Variants in LCMT1 observed in about 807,000 individuals in gnomAD.
LCMT1 encodes leucine carboxyl methyltransferase 1.
LCMT1 carries 32 observed loss-of-function variants against 47.7 expected under a neutral mutation model. That is an observed-to-expected ratio of 0.67 (90% CI 0.51 to 0.90). LCMT1 has a LOEUF of 0.90. Among genes scored for constraint, LCMT1 ranks in the 40% least tolerant of loss-of-function variants. LCMT1 has a pLI of 0.00. For missense variants in LCMT1, 375 were observed against 415.2 expected (o/e 0.90, Z 0.84); for synonymous variants, 152 against 149.7 (o/e 1.02, Z -0.11).
Position 25,111,968 on chromosome 16 carries a change from A to T in LCMT1, c.85A>T (p.Thr29Ser). ...CGCAGACGACGAGGGCGTGCGCGGCACCTGCGAAGATGCTTCCCTGTGCAA... is the reference window on the plus strand; with the variant it reads ...CGCAGACGACGAGGGCGTGCGCGGCTCCTGCGAAGATGCTTCCCTGTGCAA... ...CDADDEGVRGTCEDASLCKRF... is the reference protein window; with the variant it reads ...CDADDEGVRGSCEDASLCKRF... The change falls in exon 1 of 11, where the codon ACC (threonine) becomes TCC (serine). Residue 29 changes from threonine to serine, a missense_variant. Physicochemically the swap from Thr to Ser is moderately conservative, Grantham distance 58. Coordinates refer to ENST00000399069, the MANE Select transcript of LCMT1 (RefSeq NM_016309.3). 6.2e-7 allele frequency: 1 copy of T among 1,613,426 alleles called. No individual in the cohort carries two copies.
chr16:25,162,002 G>C (rs1961446465), intron 6 of LCMT1, among the ~76,000 whole-genome samples: 1 of 152,118 alleles, frequency 6.6e-6, no homozygotes, highest in Admixed American at 6.5e-5. Context: ...GGATGTGGGG[G>C]ATAGGGAATG....
chr16:25,175,891 G>A (rs1444788673), intron 10 of LCMT1, among the ~76,000 whole-genome samples: 1 of 152,178 alleles, frequency 6.6e-6, no homozygotes, highest in Non-Finnish European at 1.5e-5. Context: ...TTTAAGCCTT[G>A]TAGCCCAAAA....
At position 25,176,297 on chromosome 16, in the gene LCMT1, G is replaced by T. The variant is rs530274161; in HGVS notation, c.982+1263G>T. 6.2e-4 allele frequency among the ~76,000 whole-genome samples: 95 copies of T among 152,258 alleles called. 5 individuals carry two copies. The South Asian group carries it at 0.014, about 23-fold the overall frequency. On this transcript the variant is annotated intron_variant, in intron 10 of 10. Transcript: ENST00000399069. The stretch of plus-strand genomic sequence containing the variant: ...CTTTAGATCCCAGTTCCGGCCTTCA[G>T]TGGAATAGCTGCCCTTCAAGCTTCC...
rs1160347207 is a variant in LCMT1 at position 25,161,128 on chromosome 16, T to G, written c.493T>G (p.Tyr165Asp). The G allele has an allele frequency of 6.2e-7, 1 of 1,610,130 alleles. No individual in the cohort carries two copies. Among genetic ancestry groups the G allele is most frequent in the African/African-American group, 1.3e-5 (1 of 74,980 alleles). ...MDGHILDSKR[Y>D]AVIGADLRDL... Reference sequence around the variant, plus strand: ...TGGACACATACTGGATTCAAAGAGATATGCCGTTATTGGAGCAGATCTCCG... The same window carrying G: ...TGGACACATACTGGATTCAAAGAGAGATGCCGTTATTGGAGCAGATCTCCG... Residue 165 changes from tyrosine (Y) to aspartate (D), a missense_variant, in exon 6 of 11, where the codon TAT (tyrosine) becomes GAT (aspartate). Transcript: ENST00000399069.
chr16:25,111,797 C>T lies in LCMT1; in HGVS notation c.-87C>T. The stretch of plus-strand genomic sequence containing the variant: ...GGGCCCTACCCTCTTCTGTTGCTTT[C>T]TCCCTGTGGCTCGCGCCGTCCCCCG... On this transcript the variant is annotated 5_prime_UTR_variant, in exon 1 of 11. Transcript: ENST00000399069. 2 of 886,312 alleles carry T rather than the reference C, an allele frequency of 2.3e-6. No individual in the cohort carries two copies. The highest frequency in any genetic ancestry group is 2.0e-5 in the Admixed American group (1 of 49,500). The allele number at this position is 886,312 out of a possible 1,614,324, so 54.9% of individuals were successfully genotyped here. A position where few individuals can be genotyped will look rare whatever the true frequency, so the allele number is the denominator to read the frequency against.
intron 7 of LCMT1, among the ~76,000 whole-genome samples, chr16:25,165,570 T>C (rs1961564501): frequency 6.6e-6 from 1 of 151,024 alleles, no homozygotes; most frequent in Non-Finnish European, 1.5e-5. Context: ...CAGGCTGGAG[T>C]GCAACAGCAC....
At chr16:25,118,156 G>T (rs868685411) in intron 1 of LCMT1, among the ~76,000 whole-genome samples, 19 of 152,126 alleles carry the variant, frequency 1.2e-4, no homozygotes, top group African/African-American at 3.4e-4. Flanking sequence ...TAGCTTAATG[G>T]CCTCCTGTTG....
chr16:25,126,296 G>T (rs567831911), intron 1 of LCMT1, among the ~76,000 whole-genome samples: 70 of 152,398 alleles, frequency 4.6e-4, no homozygotes, highest in African/African-American at 1.7e-3. Flanking sequence ...TGCGTCCTGA[G>T]CCTGCTTCTC....
At chr16:25,156,137 C>T (rs1036022270) in intron 5 of LCMT1, among the ~76,000 whole-genome samples, 2 of 152,200 alleles carry the variant, frequency 1.3e-5, no homozygotes, top group African/African-American at 4.8e-5. Flanking sequence ...GCCGCTTCCT[C>T]AGAGGGGCCC....
chr16:25,113,275 C>T (rs895480063), intron 1 of LCMT1, among the ~76,000 whole-genome samples: 2 of 151,944 alleles, frequency 1.3e-5, no homozygotes, highest in Non-Finnish European at 2.9e-5. Flanking sequence ...GCTGAGGCCA[C>T]GTAGTGATTG....
At chr16:25,114,776 C>T (rs182230278) in intron 1 of LCMT1, among the ~76,000 whole-genome samples, 2 of 152,274 alleles carry the variant, frequency 1.3e-5, no homozygotes, top group East Asian at 3.9e-4. Context: ...CCTTCTCATG[C>T]CCTGTGTATC....
chr16:25,170,622 C>A, intron 8 of LCMT1, 92 bp from the exon 9 acceptor site: 1 of 1,008,274 alleles, frequency 9.9e-7, no homozygotes, highest in Non-Finnish European at 1.5e-6. Context: ...AGAATGAGAC[C>A]TTGTCTCTTT....
At chr16:25,158,505 C>T (rs1270872433) in intron 5 of LCMT1, among the ~76,000 whole-genome samples, 2 of 152,122 alleles carry the variant, frequency 1.3e-5, no homozygotes, top group African/African-American at 4.8e-5. Context: ...TTTTCTCTCA[C>T]GAAATAGAAT....
chr16:25,173,437 T>C (rs560488942), intron 9 of LCMT1, among the ~76,000 whole-genome samples: 1 of 152,312 alleles, frequency 6.6e-6, no homozygotes, highest in East Asian at 1.9e-4. Flanking sequence ...TAGGCATTCT[T>C]ACTTCAGATT....
chr16:25,167,062 T>C (rs779094703), intron 7 of LCMT1, among the ~76,000 whole-genome samples: 13 of 152,186 alleles, frequency 8.5e-5, no homozygotes, highest in Non-Finnish European at 1.5e-4. Context: ...CAACATCATA[T>C]GAGAGATGAT....
intron 2 of LCMT1, 33 bp downstream of exon 2, chr16:25,128,599 C>A: frequency 1.3e-6 from 2 of 1,482,114 alleles, no homozygotes; most frequent in East Asian, 2.4e-5. Flanking sequence ...AACAGCACCT[C>A]ATCAGCTACC....
Position 25,149,796 on chromosome 16 carries a change from T to C in LCMT1, c.405-1758T>C, listed in dbSNP as rs73563494. Among the ~76,000 whole-genome samples the C allele has an allele frequency of 3.3e-3, 503 of 150,720 alleles. 2 individuals carry two copies. Among genetic ancestry groups the C allele is most frequent in the African/African-American group, 0.012 (484 of 40,966 alleles). On this transcript the variant is annotated intron_variant, in intron 4 of 10. Coordinates refer to ENST00000399069, the MANE Select transcript of LCMT1 (RefSeq NM_016309.3). ...AGGCATGTTGGGTGCATCTATAGTC[T>C]CAGCTACTTGGGAGGCTGAGATAGA... is the stretch of plus-strand genomic sequence containing the variant.
At chr16:25,112,085 C>G in intron 1 of LCMT1, 89 bp downstream of exon 1, 1 of 873,916 alleles carries the variant, frequency 1.1e-6, no homozygotes, top group South Asian at 1.4e-5. Flanking sequence ...ACGCTCAAGG[C>G]TGGCAGGGAT....
rs548929301 is a variant in LCMT1 at position 25,144,592 on chromosome 16, G to C, written c.404+4345G>C. 3 of 152,302 alleles carry C rather than the reference G, an allele frequency of 2.0e-5. No homozygotes were observed. In the East Asian group the frequency reaches 5.8e-4, roughly 29 times the overall value. 9.4% of individuals were successfully genotyped at this position (152,302 alleles called of 1,614,324 possible). ...GACATACCCTTAAAGTAATATCCAG[G>C]GTGTCTAATAAGAGAGCTTGGTAGT... On this transcript the variant is annotated intron_variant, in intron 4 of 10. Transcript: ENST00000399069.
Sources: gnomAD v4.1 joint callset for allele counts (sites outside exome capture counted in the v4.1 genomes callset) on GRCh38, gnomAD v4.1.1 for gene constraint, MANE v1.5 for transcripts, NCBI Gene and HGNC (gene_info 2026-07-23, HGNC 2026-07-21) for gene names.